The following ZNF34 variants were observed in gnomAD, a reference collection of about 807,000 sequenced individuals.
The protein encoded by ZNF34 is zinc finger protein 34.
Under a neutral mutation model 14.4 loss-of-function variants are expected in ZNF34, and 8 were observed. That is an observed-to-expected ratio of 0.55 (90% CI 0.33 to 1.00). ZNF34 has a LOEUF of 1.00. ZNF34 is among the 50% of genes least tolerant of loss of function. ZNF34 has a pLI of 0.03. For synonymous variants in ZNF34, 235 were observed against 247.9 expected (o/e 0.95, Z 0.49); for missense variants, 538 against 674.2 (o/e 0.80, Z 2.24).
Position 144,773,112 on chromosome 8 carries a change from G to A in ZNF34, c.*154C>T. On this transcript the variant is annotated 3_prime_UTR_variant, in exon 6 of 6. Coordinates refer to ENST00000429371, the MANE Select transcript of ZNF34 (RefSeq NM_001286769.2). This position sits in a 1 kb window ranked among gnomAD's most constrained non-coding sequence, Gnocchi z 5.4. ...AATTTCTCTAAAATGAACATGCACT[G>A]CTTTTGATTTAAGAAAAGAGGTTTG... The A allele has an allele frequency of 1.2e-6, 1 of 846,038 alleles. No individual in the cohort carries two copies. The allele number at this position is 846,038 out of a possible 1,614,324, so 52.4% of individuals were successfully genotyped here.
At chr8:144,786,274 C>A (rs763420332) in intron 1 of ZNF34, among the ~76,000 whole-genome samples, 37 of 152,024 alleles carry the variant, frequency 2.4e-4, no homozygotes, top group Non-Finnish European at 4.6e-4. Flanking sequence ...CAGGCGTGAG[C>A]CACCGTGCTC....
At chr8:144,784,970 C>T (rs971580620) in intron 1 of ZNF34, among the ~76,000 whole-genome samples, 13 of 151,174 alleles carry the variant, frequency 8.6e-5, no homozygotes, top group African/African-American at 3.2e-4. Flanking sequence ...AAAAATTAGC[C>T]AACGTGGTGG....
intron 3 of ZNF34, 24 bp downstream of exon 3, chr8:144,778,415 C>A: frequency 6.6e-7 from 1 of 1,517,944 alleles, no homozygotes; most frequent in South Asian, 1.3e-5. Context: ...AAACTTCACT[C>A]CTCCCAGGAG....
rs994921601 is a variant in ZNF34, at chr8:144,777,051, C to T, written c.280+407G>A. Among the ~76,000 whole-genome samples the T allele has an allele frequency of 8.6e-5, 13 of 151,970 alleles. No individual in the cohort carries two copies. Among genetic ancestry groups the T allele is most frequent in the African/African-American group, 3.1e-4 (13 of 41,366 alleles). Reference sequence around the variant, plus strand: ...GGTGATGTGTAGTCTCTCACTTTTCCGCAGTGTATTAATTTAGAAGAGAGG... The same window carrying T: ...GGTGATGTGTAGTCTCTCACTTTTCTGCAGTGTATTAATTTAGAAGAGAGG... On this transcript the variant is annotated intron_variant, in intron 5 of 5. Transcript: ENST00000429371. This position sits in a 1 kb window ranked among gnomAD's most constrained non-coding sequence, Gnocchi z 4.8.
chr8:144,780,650 G>A (rs1046170782), intron 1 of ZNF34, among the ~76,000 whole-genome samples: 2 of 152,098 alleles, frequency 1.3e-5, no homozygotes, highest in Non-Finnish European at 2.9e-5. Context: ...TTAGCCGGGC[G>A]TGGTGGCGGG....
At position 144,774,095 on chromosome 8, in the gene ZNF34, C is replaced by G; in HGVS notation, c.791G>C (p.Gly264Ala). Residue 264 changes from glycine to alanine, a missense_variant, in exon 6 of 6, where the codon GGG (glycine) becomes GCG (alanine). Transcript: ENST00000429371. Reference protein sequence around the residue: ...EEKPYKCDECGKAFSQSCEFI... With the variant: ...EEKPYKCDECAKAFSQSCEFI... Reference sequence around the variant, plus strand: ...CTCGCAGCTCTGGCTGAAGGCTTTCCCACACTCATCACATTTGTAGGGCTT... The same window carrying G: ...CTCGCAGCTCTGGCTGAAGGCTTTCGCACACTCATCACATTTGTAGGGCTT... 1 of 1,614,086 alleles carries G rather than the reference C, an allele frequency of 6.2e-7. No homozygotes were observed. Among genetic ancestry groups the G allele is most frequent in the Non-Finnish European group, 8.5e-7 (1 of 1,179,990 alleles).
chr8:144,774,213 T>G lies in ZNF34; in HGVS notation c.673A>C (p.Thr225Pro). ...LVVKEDQKIPTGKKLHYCSYC... is the reference protein window; with the variant it reads ...LVVKEDQKIPPGKKLHYCSYC... Reference sequence around the variant, plus strand: ...CTGCAATAATGCAATTTTTTCCCAGTAGGAATTTTCTGATCTTCTTTAACA... The same window carrying G: ...CTGCAATAATGCAATTTTTTCCCAGGAGGAATTTTCTGATCTTCTTTAACA... The change falls in exon 6 of 6, where the codon ACT (threonine) becomes CCT (proline). Residue 225 changes from threonine (T) to proline (P), a missense_variant. Thr to Pro is a conservative substitution (Grantham distance 38). Transcript: ENST00000429371. The G allele has an allele frequency of 6.2e-7, 1 of 1,612,496 alleles. No individual in the cohort carries two copies. Among genetic ancestry groups the G allele is most frequent in the Non-Finnish European group, 8.5e-7 (1 of 1,179,522 alleles).
Position 144,782,999 on chromosome 8 carries a change from T to TAAAAAA in ZNF34, c.-107-2725_-107-2720dup, listed in dbSNP as rs149988063. 2.1e-3 allele frequency among the ~76,000 whole-genome samples: 309 copies of TAAAAAA among 148,982 alleles called. 2 individuals are homozygous for TAAAAAA. Among genetic ancestry groups the TAAAAAA allele is most frequent in the African/African-American group, 7.4e-3 (298 of 40,060 alleles). ...TAAAATAAAACCATTTTAAATAGAT[T>TAAAAAA]AAAAAAAAAGAGCAAAAGGCCAGGT... On this transcript the variant is annotated intron_variant, in intron 1 of 5. Transcript: ENST00000429371.
chr8:144,786,344 G>A lies in ZNF34; in HGVS notation c.-108+935C>T, dbSNP rs1002961445. 2.0e-5 allele frequency among the ~76,000 whole-genome samples: 3 copies of A among 150,754 alleles called. No individual in the cohort carries two copies. The South Asian group carries it at 6.3e-4, about 32-fold the overall frequency. Reference sequence around the variant, plus strand: ...CAGTATTAGGTTTGTAGAGATATAAGAAAACGAGGCCGGGCGCAGTGGCTC... The same window carrying A: ...CAGTATTAGGTTTGTAGAGATATAAAAAAACGAGGCCGGGCGCAGTGGCTC... On this transcript the variant is annotated intron_variant, in intron 1 of 5. Transcript: ENST00000429371.
chr8:144,786,279 G>C (rs960498931), intron 1 of ZNF34, among the ~76,000 whole-genome samples: 1 of 151,588 alleles, frequency 6.6e-6, no homozygotes, highest in Non-Finnish European at 1.5e-5. Context: ...GTGAGCCACC[G>C]TGCTCTGCCA....
In ZNF34 at chr8:144,778,510, G is replaced by C; in HGVS notation, c.-39C>G. 6.3e-7 allele frequency: 1 copy of C among 1,581,790 alleles called. No individual in the cohort carries two copies. Among genetic ancestry groups the C allele is most frequent in the Non-Finnish European group, 8.6e-7 (1 of 1,164,582 alleles). On this transcript the variant is annotated 5_prime_UTR_variant, in exon 3 of 6. Transcript: ENST00000429371. Reference sequence around the variant, plus strand: ...GGCTTTCTGAGGGCAGTGAGCAGGAGCTGGTCACTGAGGAGCTGAGGGAAG... The same window carrying C: ...GGCTTTCTGAGGGCAGTGAGCAGGACCTGGTCACTGAGGAGCTGAGGGAAG...
rs932408839 is a variant in ZNF34 at position 144,777,792 on chromosome 8, GC to G, written c.161-216del. Among the ~76,000 whole-genome samples, 3 of 151,906 alleles carry G rather than the reference GC, an allele frequency of 2.0e-5. No individual in the cohort carries two copies. The highest frequency in any genetic ancestry group is 7.3e-5 in the African/African-American group (3 of 41,358). On this transcript the variant is annotated intron_variant, in intron 4 of 5. Transcript: ENST00000429371. The surrounding 1 kb of genome is among the most constrained non-coding windows in gnomAD (Gnocchi z 4.8). ...CCTCCACTAGGAGGTATGCAACTCC[GC>G]CCCCCCGGTGTCCCCCGCCCTACCA... is the stretch of plus-strand genomic sequence containing the variant.
At position 144,779,818 on chromosome 8, in the gene ZNF34, G is replaced by A. The variant is rs1825752013; in HGVS notation, c.-55+410C>T. ...GCATGCTAAGCTGTCTCATTCAGGA[G>A]GAAAACGACAATACTCATTCACTTT... On this transcript the variant is annotated intron_variant, in intron 2 of 5. Transcript: ENST00000429371. The surrounding 1 kb of genome is among the most constrained non-coding windows in gnomAD (Gnocchi z 4.1). Among the ~76,000 whole-genome samples, 1 of 151,978 alleles carries A rather than the reference G, an allele frequency of 6.6e-6. No individual in the cohort carries two copies. The highest frequency in any genetic ancestry group is 2.4e-5 in the African/African-American group (1 of 41,366).
chr8:144,782,089 T>C (rs1317894379), intron 1 of ZNF34, among the ~76,000 whole-genome samples: 1 of 151,644 alleles, frequency 6.6e-6, no homozygotes, highest in East Asian at 2.0e-4. Context: ...TTTGGGAGGC[T>C]GAGGCGGGTG....
In ZNF34 at chr8:144,777,964, C is replaced by G; in HGVS notation, c.160+74G>C. On this transcript the variant is annotated intron_variant, in intron 4 of 5. Transcript: ENST00000429371. The surrounding 1 kb of genome is among the most constrained non-coding windows in gnomAD (Gnocchi z 4.8). Reference sequence around the variant, plus strand: ...ACCTATCTGTGCCCAGGGGGTGAGGCCCCTAGCCCAGCCTCTGCTGAGCCC... The same window carrying G: ...ACCTATCTGTGCCCAGGGGGTGAGGGCCCTAGCCCAGCCTCTGCTGAGCCC... 6.3e-7 allele frequency: 1 copy of G among 1,581,296 alleles called. No homozygotes were observed. The highest frequency in any genetic ancestry group is 1.1e-5 in the South Asian group (1 of 88,082).
Position 144,777,318 on chromosome 8 carries a change from C to T in ZNF34, c.280+140G>A, listed in dbSNP as rs944947431. On this transcript the variant is annotated intron_variant, in intron 5 of 5. Coordinates refer to ENST00000429371, the MANE Select transcript of ZNF34 (RefSeq NM_001286769.2). The surrounding 1 kb of genome is among the most constrained non-coding windows in gnomAD (Gnocchi z 4.8). The stretch of plus-strand genomic sequence containing the variant: ...AGACTGAGAGGGGTCACCTGGGCTT[C>T]AGCAAAGGCCACTGTCAGGCCTCCT... 1.3e-5 allele frequency: 15 copies of T among 1,191,618 alleles called. No individual in the cohort carries two copies. The highest frequency in any genetic ancestry group is 8.1e-5 in the Admixed American group (3 of 36,872). 73.8% of individuals were successfully genotyped at this position (1,191,618 alleles called of 1,614,324 possible). A position where few individuals can be genotyped will look rare whatever the true frequency, so the allele number is the denominator to read the frequency against.
intron 1 of ZNF34, among the ~76,000 whole-genome samples, chr8:144,785,894 A>T (rs1826197959): frequency 6.6e-6 from 1 of 152,132 alleles, no homozygotes; most frequent in Non-Finnish European, 1.5e-5. Context: ...AGAGTGGTGG[A>T]AAGTAATGTC....
rs201036684 is a variant in ZNF34, at chr8:144,773,783, T to G, written c.1103A>C (p.Lys368Thr). Reference sequence around the variant, plus strand: ...GCCACATTCCTTGCACTCAAATGGCTTCTCTCCGGTGTGAGTCCGACGATG... The same window carrying G: ...GCCACATTCCTTGCACTCAAATGGCGTCTCTCCGGTGTGAGTCCGACGATG... ...IRHRRTHTGE[K>T]PFECKECGKG... Residue 368 changes from lysine (K) to threonine (T), a missense_variant, in exon 6 of 6, where the codon AAG becomes ACG. This residue lies in a region of ZNF34 where 431 missense variants were observed against 525.7 expected (regional missense o/e 0.82). Coordinates refer to ENST00000429371, the MANE Select transcript of ZNF34 (RefSeq NM_001286769.2). The surrounding 1 kb of genome is among the most constrained non-coding windows in gnomAD (Gnocchi z 5.4). The G allele has an allele frequency of 6.3e-5, 101 of 1,614,032 alleles. No homozygotes were observed. The highest frequency in any genetic ancestry group is 6.7e-5 in the Non-Finnish European group (79 of 1,179,976).
Position 144,773,278 on chromosome 8 carries a change from G to C in ZNF34, c.1608C>G (p.Asp536Glu), listed in dbSNP as rs775235933. 22 of 1,606,206 alleles carry C rather than the reference G, an allele frequency of 1.4e-5. No homozygotes were observed. The highest frequency in any genetic ancestry group is 1.7e-4 in the Middle Eastern group (1 of 6,060). Residue 536 changes from aspartate to glutamate, a missense_variant, in exon 6 of 6, where the codon GAC becomes GAG. Asp to Glu is a conservative substitution (Grantham distance 45). Coordinates refer to ENST00000429371, the MANE Select transcript of ZNF34 (RefSeq NM_001286769.2). This position sits in a 1 kb window ranked among gnomAD's most constrained non-coding sequence, Gnocchi z 5.4. ...CACCGCGCCACTGTTACATGGAGAA[G>C]TCCTCCCGGAGGTGAATCCGCTGAT... ...CQHQRIHLRE[D>E]FSM
Sources: allele counts gnomAD v4.1 joint callset (sites outside exome capture counted in the v4.1 genomes callset), GRCh38; gene constraint gnomAD v4.1.1; regional missense constraint gnomAD v4.1.1; non-coding constraint Gnocchi (gnomAD v3.1); transcripts MANE v1.5; gene names NCBI Gene and HGNC (gene_info 2026-07-23, HGNC 2026-07-21).